The following ATP10B variants were observed in gnomAD, a reference collection of about 807,000 sequenced individuals.
The protein encoded by ATP10B is phospholipid-transporting ATPase VB.
ATP10B carries 122 observed loss-of-function variants against 141.2 expected under a neutral mutation model. That is an observed-to-expected ratio of 0.86 (90% CI 0.75 to 1.00). The LOEUF (loss-of-function observed/expected upper bound fraction) is 1.00. Among genes scored for constraint, ATP10B ranks in the 50% least tolerant of loss-of-function variants. The pLI is 0.00. For missense variants in ATP10B, 1,876 were observed against 1,825.3 expected (o/e 1.03, Z -0.51); for synonymous variants, 685 against 692.0 (o/e 0.99, Z 0.16).
chr5:160,897,637 G>A, the ATP10B span, among the ~76,000 whole-genome samples: 1 of 152,158 alleles, frequency 6.6e-6, no homozygotes, highest in African/African-American at 2.4e-5. Flanking sequence ...TAGATTCAAT[G>A]CTATTCCCAT....
chr5:160,655,907 G>A (rs1448791282), intron 7 of ATP10B, among the ~76,000 whole-genome samples: 1 of 152,168 alleles, frequency 6.6e-6, no homozygotes, highest in Non-Finnish European at 1.5e-5. Context: ...CGGCTCAGAT[G>A]TGTCAATAGC....
intron 2 of ATP10B, among the ~76,000 whole-genome samples, chr5:160,717,557 G>A (rs966168533): frequency 6.6e-6 from 1 of 152,114 alleles, no homozygotes; most frequent in Non-Finnish European, 1.5e-5. Flanking sequence ...CTGCTTTAAC[G>A]GTGATATATT....
At chr5:160,658,761 G>C (rs1413064297) in intron 7 of ATP10B, among the ~76,000 whole-genome samples, 1 of 152,154 alleles carries the variant, frequency 6.6e-6, no homozygotes, top group Non-Finnish European at 1.5e-5. Context: ...AAGTTGGTTT[G>C]AAAGATTCAT....
chr5:160,638,890 G>A (rs566795412), intron 10 of ATP10B, among the ~76,000 whole-genome samples: 1 of 151,898 alleles, frequency 6.6e-6, no homozygotes, highest in Admixed American at 6.6e-5. Flanking sequence ...GGGGAGTCTT[G>A]GCCCCTCTTT....
chr5:160,636,857 C>CA (rs1184791904), intron 10 of ATP10B, among the ~76,000 whole-genome samples: 1 of 151,468 alleles, frequency 6.6e-6, no homozygotes, highest in African/African-American at 2.4e-5. Context: ...CTCATATACC[C>CA]ACCCTTCCTT....
chr5:160,700,422 C>CGA (rs1418907323), intron 3 of ATP10B, among the ~76,000 whole-genome samples: 1 of 152,140 alleles, frequency 6.6e-6, no homozygotes, highest in African/African-American at 2.4e-5. Context: ...ATTCTCACCT[C>CGA]GACTTATGTC....
rs559314582 is a variant in ATP10B, at chr5:160,779,163, G to C, written c.-331+6396C>G. ...ATCACAAAAAGGCTACTAAACACCA[G>C]TAGTGAAAGCCAAGTACTTTTCAAA... is the stretch of plus-strand genomic sequence containing the variant. On this transcript the variant is annotated intron_variant, in intron 2 of 25. Transcript: ENST00000327245. Among the ~76,000 whole-genome samples, 3 of 152,290 alleles carry C rather than the reference G, an allele frequency of 2.0e-5. No individual in the cohort carries two copies. In the East Asian group the frequency reaches 5.8e-4, roughly 29 times the overall value.
In ATP10B at chr5:160,715,997, C is replaced by T. The variant is rs182061230; in HGVS notation, c.-205+912G>A. On this transcript the variant is annotated intron_variant, in intron 3 of 25. Coordinates refer to ENST00000327245, the MANE Select transcript of ATP10B (RefSeq NM_025153.3). ...GTGCTGGGATTACAGGCATGAGCCA[C>T]CATACCCGGCCAGAATTTAGTTTTA... is the stretch of plus-strand genomic sequence containing the variant. 4.2e-4 allele frequency among the ~76,000 whole-genome samples: 64 copies of T among 152,266 alleles called. 1 individual carries two copies. In the East Asian group the frequency reaches 8.1e-3, roughly 19 times the overall value.
chr5:160,892,308 G>C, the ATP10B span, among the ~76,000 whole-genome samples: 1 of 152,172 alleles, frequency 6.6e-6, no homozygotes, highest in African/African-American at 2.4e-5. Flanking sequence ...CTGACTTGCT[G>C]TTCTGGTGAC....
intron 2 of ATP10B, among the ~76,000 whole-genome samples, chr5:160,723,872 A>G (rs1236520899): frequency 6.6e-6 from 1 of 152,186 alleles, no homozygotes; most frequent in East Asian, 1.9e-4. Flanking sequence ...AAAGACATGG[A>G]ATCAACTTAA....
At position 160,649,275 on chromosome 5, in the gene ATP10B, T is replaced by C; in HGVS notation, c.676-19A>G. ...GTACCTCCTGTGAGAGAGAGGACTC[T>C]GTGAGTTTATTAATTCAGAGGGATC... On this transcript the variant is annotated intron_variant, in intron 7 of 25. Transcript: ENST00000327245. The C allele has an allele frequency of 6.3e-7, 1 of 1,577,204 alleles. No individual in the cohort carries two copies. The highest frequency in any genetic ancestry group is 8.7e-7 in the Non-Finnish European group (1 of 1,146,678).
intron 2 of ATP10B, among the ~76,000 whole-genome samples, chr5:160,747,198 A>C (rs1394551504): frequency 6.6e-6 from 1 of 152,150 alleles, no homozygotes; most frequent in Non-Finnish European, 1.5e-5. Context: ...GCTAAAGGAC[A>C]GTCACCATTT....
At chr5:160,583,676 T>G (rs531299793) in intron 24 of ATP10B, among the ~76,000 whole-genome samples, 14 of 152,280 alleles carry the variant, frequency 9.2e-5, no homozygotes, top group African/African-American at 3.4e-4. Context: ...GGGAGTTTTA[T>G]CTATAAGCCT....
chr5:160,893,121 G>T, the ATP10B span, among the ~76,000 whole-genome samples: 1 of 152,082 alleles, frequency 6.6e-6, no homozygotes, highest in Non-Finnish European at 1.5e-5. Context: ...CTGGGAGGCC[G>T]TTTGGGCAGA....
At chr5:160,788,281 T>A (rs1014186007) in intron 1 of ATP10B, among the ~76,000 whole-genome samples, 2 of 152,154 alleles carry the variant, frequency 1.3e-5, no homozygotes, top group Non-Finnish European at 2.9e-5. Context: ...CCTCCCCACT[T>A]GGCCAACAGT....
the ATP10B span, among the ~76,000 whole-genome samples, chr5:160,888,009 G>A: frequency 6.6e-6 from 1 of 152,210 alleles, no homozygotes; most frequent in East Asian, 1.9e-4. Flanking sequence ...CGTGCAACAT[G>A]GTAATTGCTC....
the ATP10B span, among the ~76,000 whole-genome samples, chr5:160,863,903 T>C: frequency 1.3e-5 from 2 of 151,934 alleles, no homozygotes; most frequent in Non-Finnish European, 2.9e-5. Context: ...TAGGAAGAAA[T>C]AGAAACCCTG....
intron 2 of ATP10B, among the ~76,000 whole-genome samples, chr5:160,740,867 C>A (rs1377894367): frequency 6.6e-6 from 1 of 152,200 alleles, no homozygotes; most frequent in Non-Finnish European, 1.5e-5. Flanking sequence ...CATCCCCAAC[C>A]TATTGTCAAT....
chr5:160,637,789 C>A (rs768888166), intron 10 of ATP10B, among the ~76,000 whole-genome samples: 2 of 152,174 alleles, frequency 1.3e-5, no homozygotes, highest in Non-Finnish European at 2.9e-5. Flanking sequence ...TGTTGCAATG[C>A]CTAAAGATGC....
Sources: gnomAD v4.1 joint callset for allele counts (sites outside exome capture counted in the v4.1 genomes callset) on GRCh38, gnomAD v4.1.1 for gene constraint, MANE v1.5 for transcripts, NCBI Gene and HGNC (gene_info 2026-07-23, HGNC 2026-07-21) for gene names.